ANKH: variants seen among roughly 807,000 people sequenced by gnomAD.
The protein encoded by ANKH is mineralization regulator ANKH.
Under a neutral mutation model 49.0 loss-of-function variants are expected in ANKH, and 15 were observed. The observed-to-expected ratio is 0.31, with a 90% CI of 0.20 to 0.47. The LOEUF is 0.47. Ranked by LOEUF, ANKH falls within the 20% of genes least tolerant of loss-of-function variation. The pLI is 1.00. For synonymous variants in ANKH, 273 were observed against 260.0 expected, an observed-to-expected ratio of 1.05 and a Z score of -0.48; for missense variants, 429 against 652.0, an observed-to-expected ratio of 0.66 and a Z score of 3.72.
intron 1 of ANKH, among the ~76,000 whole-genome samples, chr5:14,845,175 CA>C (rs1741921264): frequency 6.6e-6 from 1 of 151,836 alleles, no homozygotes; most frequent in Non-Finnish European, 1.5e-5. Flanking sequence ...TGGCAAAAAA[CA>C]AAAATGGATA....
intron 1 of ANKH, among the ~76,000 whole-genome samples, chr5:14,804,296 T>C (rs1488481975): frequency 2.0e-5 from 3 of 152,196 alleles, no homozygotes; most frequent in East Asian, 3.8e-4. Flanking sequence ...TGGTCTGCAA[T>C]GTATGTCCCC....
At chr5:14,815,935 G>A (rs1471538255) in intron 1 of ANKH, among the ~76,000 whole-genome samples, 1 of 152,202 alleles carries the variant, frequency 6.6e-6, no homozygotes, top group Non-Finnish European at 1.5e-5. Flanking sequence ...GGTTATTGTT[G>A]TGAATGACCA....
chr5:14,746,868 CT>C (rs762141636), intron 6 of ANKH, among the ~76,000 whole-genome samples: 4 of 152,160 alleles, frequency 2.6e-5, no homozygotes, highest in Non-Finnish European at 4.4e-5. Flanking sequence ...TTTATTACAC[CT>C]TAATCAAGTG....
chr5:14,775,894 AG>A lies in ANKH; in HGVS notation c.97-6704del, dbSNP rs540775283. 1.1e-4 allele frequency among the ~76,000 whole-genome samples: 17 copies of A among 152,218 alleles called. No homozygotes were observed. In the East Asian group the frequency reaches 2.7e-3, roughly 24 times the overall value. On this transcript the variant is annotated intron_variant, in intron 1 of 11. Coordinates refer to ENST00000284268, the MANE Select transcript of ANKH (RefSeq NM_054027.6). ...CCTTTGTGATAGAAGTGGGCTGGAG[AG>A]GGATGCGAGCCACAGAGGCCAAGGG...
At chr5:14,748,329 T>C (rs1278945018) in intron 6 of ANKH, among the ~76,000 whole-genome samples, 3 of 152,210 alleles carry the variant, frequency 2.0e-5, no homozygotes, top group Non-Finnish European at 4.4e-5. Context: ...TCCCAGGACA[T>C]GGAAACTGGC....
chr5:14,711,247 G>C lies in ANKH; in HGVS notation c.1429C>G (p.Pro477Ala). ...ACGATGTCTGTCACCTCCTCTGTCG[G>C]AGGCATGTCTGTCATGGCAGAGTCT... Reference protein sequence around the residue: ...GEDSAMTDMPPTEEVTDIVEM... With the variant: ...GEDSAMTDMPATEEVTDIVEM... The change falls in exon 12 of 12, where the codon CCG (proline) becomes GCG (alanine). Residue 477 changes from proline to alanine, a missense_variant. Pro to Ala is a conservative substitution (Grantham distance 27, BLOSUM62 -1). This residue lies in a region of ANKH where 51 missense variants were observed against 36.7 expected (regional missense o/e 1.39). Coordinates refer to ENST00000284268, the MANE Select transcript of ANKH (RefSeq NM_054027.6). 6.2e-7 allele frequency: 1 copy of C among 1,614,038 alleles called. No individual in the cohort carries two copies. The highest frequency in any genetic ancestry group is 8.5e-7 in the Non-Finnish European group (1 of 1,179,998).
In ANKH at chr5:14,705,199, C is replaced by T. The variant is rs911563952; in HGVS notation, c.*5998G>A. 3 of 151,920 alleles carry T rather than the reference C, an allele frequency of 2.0e-5. No homozygotes were observed. The highest frequency in any genetic ancestry group is 4.4e-5 in the Non-Finnish European group (3 of 68,008). 9.4% of individuals were successfully genotyped at this position (151,920 alleles called of 1,614,324 possible). ...GATTGGTTTCAACAGTTTATACCCA[C>T]AGTTTTGATGTGAAACTGACAAACC... is the stretch of plus-strand genomic sequence containing the variant. On this transcript the variant is annotated 3_prime_UTR_variant, in exon 12 of 12. Transcript: ENST00000284268.
chr5:14,755,840 T>C, intron 4 of ANKH, 21 bp downstream of exon 4: 2 of 1,610,078 alleles, frequency 1.2e-6, no homozygotes, highest in Non-Finnish European at 1.7e-6. Context: ...GAGCTCTGAT[T>C]GACACACAGA....
At chr5:14,777,974 C>T (rs1041813518) in intron 1 of ANKH, among the ~76,000 whole-genome samples, 8 of 152,192 alleles carry the variant, frequency 5.3e-5, no homozygotes, top group African/African-American at 1.9e-4. Flanking sequence ...GTTATAAGGC[C>T]CTGGGCAAAA....
At position 14,705,213 on chromosome 5, in the gene ANKH, A is replaced by G. The variant is rs1474848970; in HGVS notation, c.*5984T>C. On this transcript the variant is annotated 3_prime_UTR_variant, in exon 12 of 12. Coordinates refer to ENST00000284268, the MANE Select transcript of ANKH (RefSeq NM_054027.6). ...GTTTATACCCACAGTTTTGATGTGAAACTGACAAACCTATGGGCTGACAGC... is the reference window on the plus strand; with the variant it reads ...GTTTATACCCACAGTTTTGATGTGAGACTGACAAACCTATGGGCTGACAGC... 6.6e-6 allele frequency: 1 copy of G among 152,162 alleles called. No homozygotes were observed. The highest frequency in any genetic ancestry group is 1.5e-5 in the Non-Finnish European group (1 of 68,026). 9.4% of individuals were successfully genotyped at this position (152,162 alleles called of 1,614,324 possible).
intron 1 of ANKH, among the ~76,000 whole-genome samples, chr5:14,774,554 C>T (rs1739551910): frequency 6.6e-6 from 1 of 152,180 alleles, no homozygotes; most frequent in Non-Finnish European, 1.5e-5. Flanking sequence ...TCTCCTGCCT[C>T]AGCCTCCCGA....
In ANKH at chr5:14,710,862, T is replaced by C. The variant is rs1737149580; in HGVS notation, c.*335A>G. The C allele has an allele frequency of 2.8e-6, 1 of 363,524 alleles. No individual in the cohort carries two copies. The highest frequency in any genetic ancestry group is 2.1e-5 in the African/African-American group (1 of 47,222). 22.5% of individuals were successfully genotyped at this position (363,524 alleles called of 1,614,324 possible). On this transcript the variant is annotated 3_prime_UTR_variant, in exon 12 of 12. Coordinates refer to ENST00000284268, the MANE Select transcript of ANKH (RefSeq NM_054027.6). ...CCGAGGCGCGATGGCACAGCTGCAG[T>C]CCTTTGGTTCCAAGAGGAGATTGTC...
intron 11 of ANKH, among the ~76,000 whole-genome samples, chr5:14,711,847 T>TCTCAGCCC (rs751427784): frequency 3.9e-5 from 6 of 152,188 alleles, no homozygotes; most frequent in Non-Finnish European, 5.9e-5. Context: ...GGGATCAGGT[T>TCTCAGCCC]CTCAGCCCCA....
intron 1 of ANKH, among the ~76,000 whole-genome samples, chr5:14,802,671 G>T (rs559369669): frequency 3.9e-5 from 6 of 151,934 alleles, no homozygotes; most frequent in African/African-American, 1.4e-4. Context: ...CTCCTTGAGA[G>T]CTACAGATTC....
intron 8 of ANKH, among the ~76,000 whole-genome samples, chr5:14,735,977 G>T (rs13157581): frequency 6.9e-6 from 1 of 145,810 alleles, no homozygotes; most frequent in East Asian, 2.0e-4. Flanking sequence ...AAAAAGCAAG[G>T]CTCAGAAAGA....
intron 8 of ANKH, among the ~76,000 whole-genome samples, chr5:14,721,835 C>T (rs1014089433): frequency 2.2e-4 from 31 of 140,120 alleles, no homozygotes; most frequent in Non-Finnish European, 1.1e-4. Context: ...GAGGCTGAGG[C>T]AGGAGAATGG....
At chr5:14,790,204 ATTAC>A (rs1456151490) in intron 1 of ANKH, among the ~76,000 whole-genome samples, 8 of 152,234 alleles carry the variant, frequency 5.3e-5, no homozygotes, top group South Asian at 2.1e-4. Context: ...TTTCTCCATA[ATTAC>A]TTACTTCCAT....
At chr5:14,735,773 T>A in intron 8 of ANKH, among the ~76,000 whole-genome samples, 1 of 152,110 alleles carries the variant, frequency 6.6e-6, no homozygotes. Flanking sequence ...CATAGGGGAT[T>A]ATGGGCCCAC....
intron 1 of ANKH, chr5:14,797,809 C>A: frequency 3.7e-6 from 6 of 1,611,438 alleles, no homozygotes; most frequent in Non-Finnish European, 5.1e-6. Flanking sequence ...GTGTGGTCAT[C>A]TGAAGCACTA....
Sources: gnomAD v4.1 joint callset for allele counts (sites outside exome capture counted in the v4.1 genomes callset) on GRCh38, gnomAD v4.1.1 for gene constraint, gnomAD v4.1.1 regional missense constraint, MANE v1.5 for transcripts, NCBI Gene and HGNC (gene_info 2026-07-23, HGNC 2026-07-21) for gene names.